The following MGAT4C variants were observed in gnomAD, a reference collection of about 807,000 sequenced individuals.
MGAT4C encodes MGAT4 family member C.
In MGAT4C, 19 loss-of-function variants were observed where a neutral mutation model predicts 40.1. That is an observed-to-expected ratio of 0.47 (90% CI 0.33 to 0.70). The LOEUF is 0.70. Among genes scored for constraint, MGAT4C ranks in the 30% least tolerant of loss-of-function variants. The probability of loss-of-function intolerance (pLI) is 0.02; values close to 1 mark genes in which losing one functional copy is unlikely to be tolerated. For synonymous variants in MGAT4C, 181 were observed against 187.1 expected (o/e 0.97, Z 0.27); for missense variants, 491 against 563.2 (o/e 0.87, Z 1.30).
At chr12:86,567,661 G>A (rs1960189947) in intron 2 of MGAT4C, among the ~76,000 whole-genome samples, 1 of 152,124 alleles carries the variant, frequency 6.6e-6, no homozygotes, top group Non-Finnish European at 1.5e-5. Context: ...TAAAAACCAC[G>A]ATGTGCTGAG....
intron 2 of MGAT4C, among the ~76,000 whole-genome samples, chr12:86,636,943 A>T (rs1963236216): frequency 2.0e-5 from 3 of 151,912 alleles, no homozygotes; most frequent in African/African-American, 7.2e-5. Flanking sequence ...ATATTTCAAC[A>T]TAGTAATTTG....
At chr12:86,737,014 T>TA (rs11341650) in intron 1 of MGAT4C, among the ~76,000 whole-genome samples, 2,611 of 129,690 alleles carry the variant, frequency 0.02, 31 homozygotes, top group South Asian at 0.061. Flanking sequence ...TGCAATTCTA[T>TA]AAAAAAAAAA....
intron 2 of MGAT4C, among the ~76,000 whole-genome samples, chr12:86,447,042 T>G (rs1445840797): frequency 6.6e-6 from 1 of 152,100 alleles, no homozygotes; most frequent in Non-Finnish European, 1.5e-5. Context: ...GGCTAAGGGA[T>G]TGTAGAACAG....
intron 3 of MGAT4C, among the ~76,000 whole-genome samples, chr12:86,434,152 C>A (rs1188630500): frequency 6.6e-6 from 1 of 151,958 alleles, no homozygotes; most frequent in Admixed American, 6.6e-5. Flanking sequence ...TGTAACTGAG[C>A]AACTTAAAAA....
At chr12:86,059,003 T>C (rs1286582539) in intron 1 of MGAT4C, among the ~76,000 whole-genome samples, 38 of 152,134 alleles carry the variant, frequency 2.5e-4, no homozygotes, top group Admixed American at 2.5e-3. Flanking sequence ...GCCACAACAC[T>C]CCATATCCCT....
At chr12:86,368,382 C>A (rs1338763030) in intron 3 of MGAT4C, among the ~76,000 whole-genome samples, 1 of 151,830 alleles carries the variant, frequency 6.6e-6, no homozygotes, top group Non-Finnish European at 1.5e-5. Flanking sequence ...ATTTTCTTTT[C>A]TCTATTTTAT....
At chr12:86,533,099 A>C (rs1959011187) in intron 2 of MGAT4C, among the ~76,000 whole-genome samples, 1 of 152,074 alleles carries the variant, frequency 6.6e-6, no homozygotes, top group Admixed American at 6.6e-5. Flanking sequence ...TGGCCATGTC[A>C]GAATGTAAAC....
At chr12:86,654,364 A>G (rs1319534344) in intron 2 of MGAT4C, among the ~76,000 whole-genome samples, 1 of 151,626 alleles carries the variant, frequency 6.6e-6, no homozygotes, top group East Asian at 1.9e-4. Flanking sequence ...CCTGACAACA[A>G]TCGAAATCAG....
rs141253416 is a variant in MGAT4C, at chr12:86,126,995, C to A, written c.-56-77272G>T. ...TGGAACACACAACCTAGATCCCTCA[C>A]ATGTGCAGTTCACAATAGGGTTCAC... On this transcript the variant is annotated intron_variant, in intron 1 of 4. Transcript: ENST00000611864. Among the ~76,000 whole-genome samples, 339 of 152,318 alleles carry A rather than the reference C, an allele frequency of 2.2e-3. 1 individual carries two copies. Among genetic ancestry groups the A allele is most frequent in the African/African-American group, 7.5e-3 (312 of 41,572 alleles).
At chr12:86,239,621 C>T (rs1951694158) in intron 1 of MGAT4C, among the ~76,000 whole-genome samples, 1 of 152,016 alleles carries the variant, frequency 6.6e-6, no homozygotes, top group East Asian at 1.9e-4. Flanking sequence ...AAATGTTATT[C>T]ATCCTTTTAT....
At chr12:86,348,456 C>T (rs879302642) in intron 3 of MGAT4C, among the ~76,000 whole-genome samples, 1 of 151,716 alleles carries the variant, frequency 6.6e-6, no homozygotes, top group Admixed American at 6.6e-5. Context: ...TTTCTTGTTG[C>T]TATGCATTTC....
intron 2 of MGAT4C, among the ~76,000 whole-genome samples, chr12:86,580,011 T>G (rs1228740635): frequency 6.6e-6 from 1 of 151,556 alleles, no homozygotes; most frequent in Non-Finnish European, 1.5e-5. Context: ...ATTAAATGCT[T>G]GAGGTAGTCT....
At chr12:86,762,846 T>C (rs1156477500) in intron 1 of MGAT4C, among the ~76,000 whole-genome samples, 2 of 152,214 alleles carry the variant, frequency 1.3e-5, no homozygotes, top group Non-Finnish European at 2.9e-5. Context: ...GCCATATTGA[T>C]GATGCTCAAT....
intron 2 of MGAT4C, among the ~76,000 whole-genome samples, chr12:86,595,530 C>CA (rs1161021131): frequency 0.013 from 1,030 of 77,246 alleles, 8 homozygotes; most frequent in African/African-American, 0.031. Context: ...AACTCTGTCT[C>CA]AAAAAAAAAA....
intron 2 of MGAT4C, among the ~76,000 whole-genome samples, chr12:86,504,698 T>A (rs1028150400): frequency 1.3e-5 from 2 of 152,110 alleles, no homozygotes; most frequent in South Asian, 2.1e-4. Context: ...TCTTTTTTTT[T>A]ATTTTTGAGA....
At chr12:86,556,837 G>A (rs959782367) in intron 2 of MGAT4C, among the ~76,000 whole-genome samples, 1 of 152,058 alleles carries the variant, frequency 6.6e-6, no homozygotes, top group South Asian at 2.1e-4. Context: ...AGAAAAATAA[G>A]TAAAGCTCAA....
At chr12:86,649,925 G>A in intron 2 of MGAT4C, among the ~76,000 whole-genome samples, 1 of 151,742 alleles carries the variant, frequency 6.6e-6, no homozygotes, top group East Asian at 1.9e-4. Context: ...ATGTTAAAAA[G>A]AATTTCAAAG....
At chr12:86,353,689 T>C (rs961954185) in intron 3 of MGAT4C, among the ~76,000 whole-genome samples, 2 of 152,184 alleles carry the variant, frequency 1.3e-5, no homozygotes, top group African/African-American at 4.8e-5. Context: ...ATCAGTGGAC[T>C]TGCTGATAAT....
At chr12:86,234,422 C>T (rs1453056103) in intron 1 of MGAT4C, among the ~76,000 whole-genome samples, 1 of 152,122 alleles carries the variant, frequency 6.6e-6, no homozygotes, top group Non-Finnish European at 1.5e-5. Flanking sequence ...CCTAACATTG[C>T]ACTTTGTATG....
Sources: gnomAD v4.1 joint callset for allele counts (sites outside exome capture counted in the v4.1 genomes callset) on GRCh38, gnomAD v4.1.1 for gene constraint, MANE v1.5 for transcripts, NCBI Gene and HGNC (gene_info 2026-07-23, HGNC 2026-07-21) for gene names.